Variants in VRTN observed in about 807,000 individuals in gnomAD.
VRTN encodes vertebrae development associated.
In VRTN, 5 loss-of-function variants were observed where a neutral mutation model predicts 18.2. That is an observed-to-expected ratio of 0.27 (90% CI 0.14 to 0.58). The LOEUF (loss-of-function observed/expected upper bound fraction) is 0.58. VRTN is among the 20% of genes least tolerant of loss of function. The probability of loss-of-function intolerance (pLI) is 0.91; values close to 1 mark genes in which losing one functional copy is unlikely to be tolerated. For synonymous variants in VRTN, 381 were observed against 393.7 expected (o/e 0.97, Z 0.38); for missense variants, 741 against 939.4 (o/e 0.79, Z 2.76).
At chr14:74,347,899 G>A (rs2085653868), upstream of VRTN, among the ~76,000 whole-genome samples, 2 of 152,200 alleles carry the variant, frequency 1.3e-5, no homozygotes, top group South Asian at 2.1e-4. Context: ...AAGCCTGGGG[G>A]ATGCTCAGAG....
At chr14:74,331,588 A>ATATG (rs2085526263) in intron 1 of VRTN, among the ~76,000 whole-genome samples, 1 of 129,136 alleles carries the variant, frequency 7.7e-6, no homozygotes, top group Non-Finnish European at 1.7e-5. Context: ...ATATATATAT[A>ATATG]TACAAAAAAG....
chr14:74,345,106 G>A (rs185138106), upstream of VRTN, among the ~76,000 whole-genome samples: 13 of 152,092 alleles, frequency 8.5e-5, no homozygotes, highest in Admixed American at 8.5e-4. Context: ...GAAGTGCAGT[G>A]GTACAACCTT....
At chr14:74,328,050 C>T (rs1023614042) in intron 1 of VRTN, among the ~76,000 whole-genome samples, 6 of 151,996 alleles carry the variant, frequency 3.9e-5, no homozygotes, top group African/African-American at 2.4e-5. Flanking sequence ...TGGAGGAGAT[C>T]GGGGCGAAGG....
intron 1 of VRTN, among the ~76,000 whole-genome samples, chr14:74,335,791 A>G (rs1595169957): frequency 7.0e-6 from 1 of 143,160 alleles, no homozygotes; most frequent in African/African-American, 2.6e-5. Flanking sequence ...CCCAGGCTGG[A>G]GTGCAGTGGT....
chr14:74,353,150 G>A (rs776010593), intron 1 of VRTN, among the ~76,000 whole-genome samples: 1 of 152,126 alleles, frequency 6.6e-6, no homozygotes, highest in Admixed American at 6.6e-5. Context: ...TAAGCTGGGC[G>A]TGGTGGCATG....
intron 2 of VRTN, among the ~76,000 whole-genome samples, chr14:74,340,312 A>G (rs915365679): frequency 3.9e-5 from 6 of 152,194 alleles, no homozygotes; most frequent in South Asian, 2.1e-4. Context: ...GTGTTTCTCC[A>G]TGTTGGTCAG....
Position 74,358,940 on chromosome 14 carries a change from G to A in VRTN, c.*48G>A. 1 of 1,561,840 alleles carries A rather than the reference G, an allele frequency of 6.4e-7. No individual in the cohort carries two copies. Among genetic ancestry groups the A allele is most frequent in the Non-Finnish European group, 8.7e-7 (1 of 1,153,882 alleles). On this transcript the variant is annotated 3_prime_UTR_variant, in exon 2 of 2. Transcript: ENST00000256362. This position sits in a 1 kb window ranked among gnomAD's most constrained non-coding sequence, Gnocchi z 5.4. ...GGAAGAAGGGGGACCAGTTTGGAGA[G>A]GGTCAGGGACCTGAGCTGACCCCAG...
intron 1 of VRTN, among the ~76,000 whole-genome samples, chr14:74,330,150 C>T (rs1363186505): frequency 3.3e-5 from 5 of 151,916 alleles, no homozygotes; most frequent in African/African-American, 9.7e-5. Context: ...GCTAGGATTA[C>T]AGGTGTGAGC....
chr14:74,326,502 A>G (rs1011489500), intron 1 of VRTN, among the ~76,000 whole-genome samples: 1 of 152,132 alleles, frequency 6.6e-6, no homozygotes, highest in Non-Finnish European at 1.5e-5. Flanking sequence ...CATCCACTGC[A>G]TGCTGAGCTG....
chr14:74,311,476 A>C (rs986980353), intron 1 of VRTN, among the ~76,000 whole-genome samples: 1 of 148,906 alleles, frequency 6.7e-6, no homozygotes, highest in African/African-American at 2.5e-5. Flanking sequence ...GCTGGAGTGC[A>C]GTGGCGTGAT....
At chr14:74,337,016 G>A (rs769838107) in intron 1 of VRTN, among the ~76,000 whole-genome samples, 1 of 152,098 alleles carries the variant, frequency 6.6e-6, no homozygotes, top group Non-Finnish European at 1.5e-5. Flanking sequence ...TACTGTCCTT[G>A]AAGAATGTAT....
intron 2 of VRTN, among the ~76,000 whole-genome samples, chr14:74,343,011 G>A (rs1378402610): frequency 6.6e-6 from 1 of 151,874 alleles, no homozygotes; most frequent in East Asian, 1.9e-4. Flanking sequence ...CTATACTGAG[G>A]GAATAATTTT....
intron 2 of VRTN, among the ~76,000 whole-genome samples, chr14:74,342,613 A>G (rs1663573041): frequency 6.6e-6 from 1 of 152,044 alleles, no homozygotes; most frequent in Non-Finnish European, 1.5e-5. Flanking sequence ...TGGGCAAAGG[A>G]TATTCAAAGG....
At chr14:74,325,030 A>AG (rs891430823) in intron 1 of VRTN, among the ~76,000 whole-genome samples, 2 of 152,036 alleles carry the variant, frequency 1.3e-5, no homozygotes, top group Admixed American at 6.6e-5. Flanking sequence ...AGAAACCAGT[A>AG]GGGGGGAGTG....
At chr14:74,323,245 A>G (rs559000784) in intron 1 of VRTN, among the ~76,000 whole-genome samples, 1 of 152,138 alleles carries the variant, frequency 6.6e-6, no homozygotes. Flanking sequence ...GTTCAAAAAA[A>G]ATCTCTGGGG....
chr14:74,320,735 C>T (rs940679890), intron 1 of VRTN, among the ~76,000 whole-genome samples: 6 of 148,924 alleles, frequency 4.0e-5, no homozygotes, highest in East Asian at 2.0e-4. Flanking sequence ...TACAGGTGCC[C>T]GCCACTGAAC....
At chr14:74,348,322 C>A (rs759494245), upstream of VRTN, 2 of 152,182 alleles carry the variant, frequency 1.3e-5, no homozygotes, top group Non-Finnish European at 2.9e-5. Flanking sequence ...ACTTTAACAC[C>A]CCCAGCTGGG....
upstream of VRTN, among the ~76,000 whole-genome samples, chr14:74,348,011 C>CT (rs1249026051): frequency 1.3e-5 from 2 of 152,192 alleles, no homozygotes; most frequent in African/African-American, 4.8e-5. Context: ...CTGCCTGGTT[C>CT]TGCCTGTCTT....
chr14:74,339,249 T>C (rs1489191191), intron 2 of VRTN, among the ~76,000 whole-genome samples: 1 of 152,118 alleles, frequency 6.6e-6, no homozygotes, highest in African/African-American at 2.4e-5. Context: ...TCATTGGCCC[T>C]GTAAAGTAGA....
Sources: gnomAD v4.1 joint callset for allele counts (sites outside exome capture counted in the v4.1 genomes callset) on GRCh38, gnomAD v4.1.1 for gene constraint, Gnocchi (gnomAD v3.1) non-coding constraint, MANE v1.5 for transcripts, NCBI Gene and HGNC (gene_info 2026-07-23, HGNC 2026-07-21) for gene names.